The following NBAS variants were observed in gnomAD, a reference collection of about 807,000 sequenced individuals.
NBAS encodes the protein NBAS subunit of NRZ tethering complex.
A neutral mutation model predicts 302.5 loss-of-function variants in NBAS; 219 were observed. That is an observed-to-expected ratio of 0.72 (90% CI 0.65 to 0.81). The LOEUF (loss-of-function observed/expected upper bound fraction) is 0.81, where lower values mean the gene tolerates loss of function less well. Ranked by LOEUF, NBAS falls within the 30% of genes least tolerant of loss-of-function variation. The pLI, the probability that NBAS is intolerant of heterozygous loss-of-function variation, is 0.00. For synonymous variants in NBAS, 1,118 were observed against 1,021.6 expected, an observed-to-expected ratio of 1.09 and a Z score of -1.80; for missense variants, 2,932 against 2,841.6, an observed-to-expected ratio of 1.03 and a Z score of -0.72.
At chr2:15,333,726 T>C (rs1011211522) in intron 35 of NBAS, among the ~76,000 whole-genome samples, 3 of 141,688 alleles carry the variant, frequency 2.1e-5, no homozygotes, top group African/African-American at 5.3e-5. Context: ...AAGTTCAAGA[T>C]CACCAAGCTG....
chr2:14,929,708 A>G, the NBAS span, among the ~76,000 whole-genome samples: 1 of 152,098 alleles, frequency 6.6e-6, no homozygotes. Flanking sequence ...TGGCCAGAGA[A>G]TAGCCCATGA....
At chr2:14,917,091 G>A in the NBAS span, among the ~76,000 whole-genome samples, 1 of 152,188 alleles carries the variant, frequency 6.6e-6, no homozygotes, top group Non-Finnish European at 1.5e-5. Context: ...GCTATCTATT[G>A]CTACATTTTA....
At chr2:14,925,534 T>C in the NBAS span, among the ~76,000 whole-genome samples, 1 of 152,176 alleles carries the variant, frequency 6.6e-6, no homozygotes, top group Non-Finnish European at 1.5e-5. Flanking sequence ...TTAGAGATGG[T>C]CCAAAGCACT....
the NBAS span, among the ~76,000 whole-genome samples, chr2:14,911,355 G>C: frequency 6.6e-6 from 1 of 152,192 alleles, no homozygotes; most frequent in African/African-American, 2.4e-5. Context: ...TATGAGACTG[G>C]AGAGTGATCC....
In NBAS at chr2:15,467,707, G is replaced by A. The variant is rs1271822349; in HGVS notation, c.1975C>T (p.Leu659Phe). The change falls in exon 18 of 52, where the codon CTC becomes TTC. Residue 659 changes from leucine to phenylalanine, a missense_variant. By Grantham distance (22) the Leu-to-Phe change is conservative (BLOSUM62 0). Transcript: ENST00000281513. ...TTCAGTAGTTCTTGTCTCTTCTTGA[G>A]CTCCTTTTCCTTTTTATTCTTGGCA... ...EPAKNKKEKE[L>F]KKRQELLKLV... is the part of the protein sequence containing the mutation. The A allele has an allele frequency of 6.2e-7, 1 of 1,612,460 alleles. No homozygotes were observed.
Position 15,450,580 on chromosome 2 carries a change from T to C in NBAS, c.2339+10621A>G, listed in dbSNP as rs116382853. Among the ~76,000 whole-genome samples, 721 of 152,312 alleles carry C rather than the reference T, an allele frequency of 4.7e-3. 8 individuals carry two copies. Among genetic ancestry groups the C allele is most frequent in the African/African-American group, 0.016 (670 of 41,574 alleles). ...CTGATCTTCCCCACTAGATTACAAA[T>C]TTATCTGTGGACAGGTACCACATCT... On this transcript the variant is annotated intron_variant, in intron 21 of 51. Transcript: ENST00000281513.
the NBAS span, among the ~76,000 whole-genome samples, chr2:14,871,051 A>G: frequency 6.6e-6 from 1 of 152,116 alleles, no homozygotes; most frequent in Admixed American, 6.5e-5. Context: ...TACTAAAGAA[A>G]AATAAACATT....
Position 15,555,550 on chromosome 2 carries a change from T to C in NBAS, c.209+1233A>G, listed in dbSNP as rs1664606924. On this transcript the variant is annotated intron_variant, in intron 3 of 51. Coordinates refer to ENST00000281513, the MANE Select transcript of NBAS (RefSeq NM_015909.4). ...TTATATTTCATAATTAAAAGAACTT[T>C]TTTAAAAAAAGAAGAAAAAGTCACT... Among the ~76,000 whole-genome samples the C allele has an allele frequency of 2.6e-5, 4 of 152,092 alleles. No homozygotes were observed. The South Asian group carries it at 6.2e-4, about 24-fold the overall frequency.
chr2:15,122,953 C>A, the NBAS span, among the ~76,000 whole-genome samples: 1 of 152,208 alleles, frequency 6.6e-6, no homozygotes, highest in African/African-American at 2.4e-5. Flanking sequence ...GTAGGACTCA[C>A]ATTCCCTCTT....
the NBAS span, among the ~76,000 whole-genome samples, chr2:14,915,803 GCCCAT>G: frequency 6.6e-6 from 1 of 152,052 alleles, no homozygotes; most frequent in Non-Finnish European, 1.5e-5. Flanking sequence ...CTCATGATCT[GCCCAT>G]CTCAGCCTCC....
At chr2:15,497,358 T>C (rs1016511311) in intron 11 of NBAS, among the ~76,000 whole-genome samples, 1 of 152,140 alleles carries the variant, frequency 6.6e-6, no homozygotes, top group African/African-American at 2.4e-5. Context: ...AATTATACAA[T>C]GGTGATAGCC....
chr2:15,440,446 G>T (rs1678315494), intron 21 of NBAS, among the ~76,000 whole-genome samples: 1 of 152,190 alleles, frequency 6.6e-6, no homozygotes, highest in South Asian at 2.1e-4. Context: ...GCAGCTGAGG[G>T]TCCTGTCTGT....
the NBAS span, among the ~76,000 whole-genome samples, chr2:14,894,978 T>C: frequency 6.6e-6 from 1 of 152,068 alleles, no homozygotes; most frequent in African/African-American, 2.4e-5. Flanking sequence ...ATCACTTGAA[T>C]CCGGAAGGCA....
intron 21 of NBAS, among the ~76,000 whole-genome samples, chr2:15,439,715 C>T (rs999730406): frequency 2.0e-5 from 3 of 152,140 alleles, no homozygotes; most frequent in South Asian, 2.1e-4. Context: ...TTGCCTCACT[C>T]GGGAAGCGCA....
chr2:15,127,970 G>A, the NBAS span, among the ~76,000 whole-genome samples: 20 of 152,144 alleles, frequency 1.3e-4, no homozygotes, highest in Non-Finnish European at 2.1e-4. Flanking sequence ...CCAATTCCCC[G>A]TTCAGCTAAA....
the NBAS span, among the ~76,000 whole-genome samples, chr2:15,144,521 CT>C: frequency 2.0e-5 from 3 of 152,174 alleles, no homozygotes; most frequent in Non-Finnish European, 4.4e-5. Context: ...TTTTTAGGTC[CT>C]TTGGGGAAGA....
the NBAS span, among the ~76,000 whole-genome samples, chr2:15,007,443 T>A: frequency 6.6e-6 from 1 of 152,256 alleles, no homozygotes; most frequent in African/African-American, 2.4e-5. Flanking sequence ...TCCTTTGCTC[T>A]CTTGATTTTT....
intron 11 of NBAS, among the ~76,000 whole-genome samples, chr2:15,499,662 A>C (rs1002799334): frequency 6.6e-6 from 1 of 152,230 alleles, no homozygotes; most frequent in African/African-American, 2.4e-5. Context: ...AACTAATGGG[A>C]CTAGGCCTAA....
chr2:14,944,528 A>G, the NBAS span, among the ~76,000 whole-genome samples: 1 of 152,146 alleles, frequency 6.6e-6, no homozygotes, highest in Non-Finnish European at 1.5e-5. Context: ...GGTGACTTTC[A>G]GTGATATGAG....
Sources: allele counts gnomAD v4.1 joint callset (sites outside exome capture counted in the v4.1 genomes callset), GRCh38; gene constraint gnomAD v4.1.1; transcripts MANE v1.5; gene names NCBI Gene and HGNC (gene_info 2026-07-23, HGNC 2026-07-21).